The following ADAM32 variants were observed in gnomAD, a reference collection of about 807,000 sequenced individuals.
The protein encoded by ADAM32 is disintegrin and metalloproteinase domain-containing protein 32.
A neutral mutation model predicts 114.9 loss-of-function variants in ADAM32; 89 were observed. That is an observed-to-expected ratio of 0.77 (90% CI 0.65 to 0.92). ADAM32 has a LOEUF of 0.92. ADAM32 is among the 40% of genes least tolerant of loss of function. The pLI, the probability that ADAM32 is intolerant of heterozygous loss-of-function variation, is 0.00. For missense variants in ADAM32, 870 were observed against 932.8 expected (o/e 0.93, Z 0.88); for synonymous variants, 285 against 307.5 (o/e 0.93, Z 0.77).
chr8:39,238,519 G>C (rs756620519), intron 16 of ADAM32, among the ~76,000 whole-genome samples: 1 of 152,140 alleles, frequency 6.6e-6, no homozygotes, highest in African/African-American at 2.4e-5. Context: ...ACAAAAACAT[G>C]GTTCTATAAC....
intron 10 of ADAM32, among the ~76,000 whole-genome samples, chr8:39,173,967 G>GCT (rs1301756747): frequency 2.0e-5 from 3 of 152,162 alleles, no homozygotes; most frequent in African/African-American, 7.2e-5. Flanking sequence ...TGGGATTACA[G>GCT]ACGTGCACTG....
At chr8:39,166,697 T>G (rs1448374458) in intron 9 of ADAM32, 1 of 152,138 alleles carries the variant, frequency 6.6e-6, no homozygotes, top group Non-Finnish European at 1.5e-5. Context: ...CACACCAACA[T>G]CTACTGTTTT....
chr8:39,127,864 TCTGGTATG>T (rs1487016172), intron 2 of ADAM32, among the ~76,000 whole-genome samples: 2 of 152,200 alleles, frequency 1.3e-5, no homozygotes, highest in African/African-American at 4.8e-5. Flanking sequence ...TTCCAGAGAT[TCTGGTATG>T]CTGTCTCTTT....
At chr8:39,238,329 A>G (rs1353280691) in intron 16 of ADAM32, among the ~76,000 whole-genome samples, 1 of 152,210 alleles carries the variant, frequency 6.6e-6, no homozygotes, top group African/African-American at 2.4e-5. Context: ...AAGAGCAGTA[A>G]TGATCACTGT....
At chr8:39,116,187 C>G (rs1840366373) in intron 1 of ADAM32, among the ~76,000 whole-genome samples, 1 of 152,122 alleles carries the variant, frequency 6.6e-6, no homozygotes. Context: ...TTGCTTTCTT[C>G]TTTTTGCTTA....
intron 21 of ADAM32, 63 bp from the exon 22 acceptor site, chr8:39,275,765 A>C (rs1813033469): frequency 6.9e-7 from 1 of 1,456,346 alleles, no homozygotes; most frequent in Non-Finnish European, 9.3e-7. Flanking sequence ...ACATTCATTC[A>C]TTATGGAGGC....
chr8:39,219,402 G>C (rs944746832), intron 12 of ADAM32, among the ~76,000 whole-genome samples: 1 of 152,160 alleles, frequency 6.6e-6, no homozygotes, highest in Non-Finnish European at 1.5e-5. Context: ...CCAGCCCATG[G>C]TGGTGAGGCT....
chr8:39,151,243 G>A, intron 5 of ADAM32, 134 bp from the exon 6 acceptor site: 1 of 720,614 alleles, frequency 1.4e-6, no homozygotes, highest in Non-Finnish European at 2.1e-6. Context: ...TCTCTTCAGA[G>A]TCATCTCTAA....
At chr8:39,245,700 T>C (rs116601854) in intron 16 of ADAM32, among the ~76,000 whole-genome samples, 1 of 152,130 alleles carries the variant, frequency 6.6e-6, no homozygotes, top group African/African-American at 2.4e-5. Context: ...AGAAAATAAG[T>C]CACTGTTGTT....
At chr8:39,191,403 C>T (rs1427904908) in intron 11 of ADAM32, among the ~76,000 whole-genome samples, 1 of 152,178 alleles carries the variant, frequency 6.6e-6, no homozygotes, top group Non-Finnish European at 1.5e-5. Flanking sequence ...TCCACAACCT[C>T]ACCAGCATCT....
At position 39,281,188 on chromosome 8, in the gene ADAM32, A is replaced by G. The variant is rs1344160876; in HGVS notation, c.2318+14A>G. On this transcript the variant is annotated intron_variant, in intron 23 of 24. Transcript: ENST00000379907. Reference sequence around the variant, plus strand: ...ATATACTAGCAGGTAAGCAGGATAGAAAGTGTTACTTATAAATAAGTATGT... The same window carrying G: ...ATATACTAGCAGGTAAGCAGGATAGGAAGTGTTACTTATAAATAAGTATGT... The G allele has an allele frequency of 7.4e-6, 10 of 1,348,546 alleles. No homozygotes were observed. The highest frequency in any genetic ancestry group is 9.7e-6 in the Non-Finnish European group (10 of 1,027,228). The allele number at this position is 1,348,546 out of a possible 1,614,324, so 83.5% of individuals were successfully genotyped here.
intron 13 of ADAM32, 35 bp downstream of exon 13, chr8:39,221,737 A>G (rs1449863129): frequency 6.7e-7 from 1 of 1,500,816 alleles, no homozygotes; most frequent in Non-Finnish European, 9.2e-7. Flanking sequence ...TTTCAAATAT[A>G]TAACAAATCA....
Position 39,169,987 on chromosome 8 carries a change from G to T in ADAM32, c.905G>T (p.Gly302Val), listed in dbSNP as rs773620953. The T allele has an allele frequency of 6.3e-7, 1 of 1,591,804 alleles. No individual in the cohort carries two copies. Among genetic ancestry groups the T allele is most frequent in the South Asian group, 1.1e-5 (1 of 87,148 alleles). The change falls in exon 10 of 25, where the codon GGA (glycine) becomes GTA (valine). Residue 302 changes from glycine (G) to valine (V), a missense_variant. Coordinates refer to ENST00000379907, the MANE Select transcript of ADAM32 (RefSeq NM_145004.7). Reference sequence around the variant, plus strand: ...ATGTGTATTACTCGTTATTCTGCAGGAGTTGCATTGGTATGTAACTATTTA... The same window carrying T: ...ATGTGTATTACTCGTTATTCTGCAGTAGTTGCATTGGTATGTAACTATTTA... ...GTMCITRYSA[G>V]VALYPKEITL...
In ADAM32 at chr8:39,136,707, C is replaced by A; in HGVS notation, c.189C>A (p.His63Gln). 1 of 1,522,854 alleles carries A rather than the reference C, an allele frequency of 6.6e-7. No individual in the cohort carries two copies. The highest frequency in any genetic ancestry group is 8.9e-7 in the Non-Finnish European group (1 of 1,129,318). 94.3% of individuals were successfully genotyped at this position (1,522,854 alleles called of 1,614,324 possible). A position where few individuals can be genotyped will look rare whatever the true frequency, so the allele number is the denominator to read the frequency against. ...TAGATGAGAAACTGTACACTGTGCA[C>A]CTTAAACAAAGGTAAATTTTTATTC... is the stretch of plus-strand genomic sequence containing the variant. ...IPIDEKLYTV[H>Q]LKQRYFLADN... Residue 63 changes from histidine to glutamine, a missense_variant, in exon 3 of 25, where the codon CAC becomes CAA. Transcript: ENST00000379907.
intron 11 of ADAM32, among the ~76,000 whole-genome samples, chr8:39,204,167 G>C (rs184414656): frequency 8.0e-4 from 122 of 152,290 alleles, no homozygotes; most frequent in African/African-American, 2.9e-3. Flanking sequence ...TCCTGAATTT[G>C]AATGTTGGCC....
intron 6 of ADAM32, chr8:39,158,616 A>T: frequency 3.9e-6 from 1 of 255,238 alleles, no homozygotes; most frequent in South Asian, 5.3e-5. Flanking sequence ...GAAGCTCTTC[A>T]CCTTGCCATG....
chr8:39,173,385 C>G (rs1173441609), intron 10 of ADAM32, among the ~76,000 whole-genome samples: 2 of 151,636 alleles, frequency 1.3e-5, no homozygotes, highest in Admixed American at 1.3e-4. Flanking sequence ...GAGGTGGTAT[C>G]TCATTGTGAT....
At chr8:39,259,341 A>G (rs1171372075) in intron 19 of ADAM32, among the ~76,000 whole-genome samples, 2 of 152,014 alleles carry the variant, frequency 1.3e-5, no homozygotes, top group East Asian at 1.9e-4. Context: ...CTGGTATTAC[A>G]GGCGTGCACC....
At chr8:39,236,730 T>C (rs1810176850) in intron 16 of ADAM32, among the ~76,000 whole-genome samples, 1 of 152,176 alleles carries the variant, frequency 6.6e-6, no homozygotes, top group African/African-American at 2.4e-5. Context: ...TCTTTGAGGC[T>C]AAATAACACA....
Sources: gnomAD v4.1 joint callset for allele counts (sites outside exome capture counted in the v4.1 genomes callset) on GRCh38, gnomAD v4.1.1 for gene constraint, MANE v1.5 for transcripts, NCBI Gene and HGNC (gene_info 2026-07-23, HGNC 2026-07-21) for gene names.